Variants in LRRC7 observed in about 807,000 individuals in gnomAD.
LRRC7 encodes the protein leucine-rich repeat-containing protein 7.
Under a neutral mutation model 175.7 loss-of-function variants are expected in LRRC7, and 23 were observed. That is an observed-to-expected ratio of 0.13 (90% CI 0.09 to 0.19). LRRC7 has a LOEUF of 0.19. LRRC7 is among the 10% of genes least tolerant of loss of function. LRRC7 has a pLI of 1.00. For synonymous variants in LRRC7, 685 were observed against 680.9 expected (o/e 1.01, Z -0.09); for missense variants, 1,354 against 1,904.7 (o/e 0.71, Z 5.38).
At chr1:69,579,748 A>G (rs1200057482) in intron 1 of LRRC7, among the ~76,000 whole-genome samples, 1 of 150,738 alleles carries the variant, frequency 6.6e-6, no homozygotes, top group Non-Finnish European at 1.5e-5. Flanking sequence ...TCCCAGCCAT[A>G]GCCATATGAC....
chr1:69,839,009 A>T (rs1217701401), intron 7 of LRRC7: 2 of 254,148 alleles, frequency 7.9e-6, no homozygotes, highest in Non-Finnish European at 1.6e-5. Context: ...TGTTATGATG[A>T]AAATATTTAA....
At position 69,865,469 on chromosome 1, in the gene LRRC7, C is replaced by CT. The variant is rs532063540; in HGVS notation, c.647+27211dup. On this transcript the variant is annotated intron_variant, in intron 7 of 26. Transcript: ENST00000651989. ...ATAAGCAAGCTGCTGAAGACAGTTC[C>CT]TTTTTTTTTTTTTTTTTTTTTTTTT... Among the ~76,000 whole-genome samples the CT allele has an allele frequency of 4.0e-3, 205 of 51,246 alleles. 38 individuals carry two copies. Among genetic ancestry groups the CT allele is most frequent in the African/African-American group, 0.011 (139 of 12,308 alleles). 33.6% of individuals were successfully genotyped at this position (51,246 alleles called of 152,430 possible). A position where few individuals can be genotyped will look rare whatever the true frequency, so the allele number is the denominator to read the frequency against.
rs1224131732 is a variant in LRRC7 at position 70,082,788 on chromosome 1, T to C, written c.4452+6490T>C. On this transcript the variant is annotated intron_variant, in intron 24 of 26. Coordinates refer to ENST00000651989, the MANE Select transcript of LRRC7 (RefSeq NM_001370785.2). The stretch of plus-strand genomic sequence containing the variant: ...CAATCTTGATACCAGTACATTTTTT[T>C]TTTTTTTTTTTTTTTTTTTTTTTTG... Among the ~76,000 whole-genome samples, 111 of 97,466 alleles carry C rather than the reference T, an allele frequency of 1.1e-3. 13 individuals are homozygous for C. The highest frequency in any genetic ancestry group is 3.3e-3 in the African/African-American group (82 of 24,690). The allele number at this position is 97,466 out of a possible 152,430, so 63.9% of individuals were successfully genotyped here. A position where few individuals can be genotyped will look rare whatever the true frequency, so the allele number is the denominator to read the frequency against.
At position 70,130,618 on chromosome 1, in the gene LRRC7, A is replaced by G. The variant is rs1666623878; in HGVS notation, c.*8731A>G. On this transcript the variant is annotated 3_prime_UTR_variant, in exon 27 of 27. Transcript: ENST00000651989. ...TGTGTGTTCTAAGGACCTTAACACTATCCAAAAAGTAACACCATTCAAAAA... is the reference window on the plus strand; with the variant it reads ...TGTGTGTTCTAAGGACCTTAACACTGTCCAAAAAGTAACACCATTCAAAAA... Among the ~76,000 whole-genome samples the G allele has an allele frequency of 6.6e-6, 1 of 152,226 alleles. No individual in the cohort carries two copies. Among genetic ancestry groups the G allele is most frequent in the Admixed American group, 6.5e-5 (1 of 15,280 alleles).
chr1:69,607,371 G>A (rs1018567424), intron 1 of LRRC7: 1 of 152,036 alleles, frequency 6.6e-6, no homozygotes, highest in Non-Finnish European at 1.5e-5. Context: ...TTATAAAGGA[G>A]TGATATAACA....
At chr1:69,936,961 A>T (rs1026415865) in intron 8 of LRRC7, among the ~76,000 whole-genome samples, 1 of 152,088 alleles carries the variant, frequency 6.6e-6, no homozygotes, top group Non-Finnish European at 1.5e-5. Flanking sequence ...TTCTTTATCC[A>T]GTCCACCATT....
At chr1:69,815,960 A>T (rs1224603329) in intron 4 of LRRC7, among the ~76,000 whole-genome samples, 3 of 49,504 alleles carry the variant, frequency 6.1e-5, no homozygotes, top group Non-Finnish European at 1.3e-4. Flanking sequence ...TTATTTATTT[A>T]TTTATTTATT....
At chr1:69,747,071 A>G (rs1415857813) in intron 2 of LRRC7, among the ~76,000 whole-genome samples, 1 of 152,074 alleles carries the variant, frequency 6.6e-6, no homozygotes, top group South Asian at 2.1e-4. Flanking sequence ...AAGGACATCA[A>G]TCACATTGGA....
chr1:69,809,750 A>T (rs1248308321), intron 4 of LRRC7, among the ~76,000 whole-genome samples: 12 of 152,150 alleles, frequency 7.9e-5, no homozygotes, highest in Non-Finnish European at 8.8e-5. Flanking sequence ...ACTCTCAATA[A>T]ACTAGCTATT....
At chr1:69,858,860 C>G (rs1205426623) in intron 7 of LRRC7, among the ~76,000 whole-genome samples, 2 of 152,056 alleles carry the variant, frequency 1.3e-5, no homozygotes, top group African/African-American at 4.8e-5. Flanking sequence ...TGGTAACCTC[C>G]TCAATGCCTA....
chr1:69,759,845 A>G (rs538798567), intron 2 of LRRC7, among the ~76,000 whole-genome samples: 1 of 152,148 alleles, frequency 6.6e-6, no homozygotes, highest in South Asian at 2.1e-4. Flanking sequence ...TAGAAAACAT[A>G]TTATAGCTCC....
At position 70,054,444 on chromosome 1, in the gene LRRC7, G is replaced by C. The variant is rs572861462; in HGVS notation, c.4230+1299G>C. Reference sequence around the variant, plus strand: ...GTACATAAGAAACCTATTGTTATAAGTAAATGGTAAATGTAGTATTCAGAA... The same window carrying C: ...GTACATAAGAAACCTATTGTTATAACTAAATGGTAAATGTAGTATTCAGAA... On this transcript the variant is annotated intron_variant, in intron 23 of 26. Coordinates refer to ENST00000651989, the MANE Select transcript of LRRC7 (RefSeq NM_001370785.2). 5.3e-5 allele frequency among the ~76,000 whole-genome samples: 8 copies of C among 152,084 alleles called. No individual in the cohort carries two copies. The South Asian group carries it at 1.7e-3, about 32-fold the overall frequency.
intron 3 of LRRC7, among the ~76,000 whole-genome samples, chr1:69,785,124 G>A (rs1473254602): frequency 6.6e-6 from 1 of 151,970 alleles, no homozygotes. Flanking sequence ...CTGTTTTTTA[G>A]TCAATTATTG....
Position 69,676,226 on chromosome 1 carries a change from T to A in LRRC7, c.3-2155T>A, listed in dbSNP as rs140122930. Among the ~76,000 whole-genome samples, 773 of 152,100 alleles carry A rather than the reference T, an allele frequency of 5.1e-3. 5 individuals are homozygous for A. The highest frequency in any genetic ancestry group is 0.012 in the South Asian group (56 of 4,828). On this transcript the variant is annotated intron_variant, in intron 1 of 26. Transcript: ENST00000651989. ...ACTGCTTTTGTGGGATGATCCTTTG[T>A]CAATTTCCCCTCCAGACACAAGGAA...
chr1:69,641,841 T>A lies in LRRC7; in HGVS notation c.3-36540T>A, dbSNP rs554973645. Among the ~76,000 whole-genome samples the A allele has an allele frequency of 5.7e-3, 870 of 151,944 alleles. 9 individuals carry two copies. The highest frequency in any genetic ancestry group is 0.02 in the African/African-American group (839 of 41,544). On this transcript the variant is annotated intron_variant, in intron 1 of 26. Transcript: ENST00000651989. ...TTTTAAAAGTTAATTTAAAACTGTA[T>A]GGTGACATATGCCTGTATCTTTTCC...
rs1434851812 is a variant in LRRC7 at position 70,126,498 on chromosome 1, G to A, written c.*4611G>A. ...GCTACCTGATCATCTGGGACTTGGGGGGCATCTCCAGGTTGGTGATCACTT... is the reference window on the plus strand; with the variant it reads ...GCTACCTGATCATCTGGGACTTGGGAGGCATCTCCAGGTTGGTGATCACTT... On this transcript the variant is annotated 3_prime_UTR_variant, in exon 27 of 27. Transcript: ENST00000651989. 6.6e-6 allele frequency among the ~76,000 whole-genome samples: 1 copy of A among 152,000 alleles called. No homozygotes were observed. Among genetic ancestry groups the A allele is most frequent in the Non-Finnish European group, 1.5e-5 (1 of 68,022 alleles).
chr1:69,805,157 C>A (rs148196399), intron 4 of LRRC7, among the ~76,000 whole-genome samples: 1,864 of 151,770 alleles, frequency 0.012, 13 homozygotes, highest in Middle Eastern at 0.041. Context: ...GAATTGAAGG[C>A]ATTATTATGT....
chr1:69,665,964 A>T (rs1414414940), intron 1 of LRRC7, among the ~76,000 whole-genome samples: 2 of 152,070 alleles, frequency 1.3e-5, no homozygotes, highest in Admixed American at 1.3e-4. Flanking sequence ...TGGATCTGTC[A>T]TAGGTGGCTT....
At chr1:69,961,402 A>G (rs1651072412) in intron 8 of LRRC7, among the ~76,000 whole-genome samples, 1 of 152,194 alleles carries the variant, frequency 6.6e-6, no homozygotes, top group African/African-American at 2.4e-5. Flanking sequence ...AAATGGCCAC[A>G]CTGCCCAAAG....
Sources: gnomAD v4.1 joint callset for allele counts (sites outside exome capture counted in the v4.1 genomes callset) on GRCh38, gnomAD v4.1.1 for gene constraint, MANE v1.5 for transcripts, NCBI Gene and HGNC (gene_info 2026-07-23, HGNC 2026-07-21) for gene names.